The following HPSE2 variants were observed in gnomAD, a reference collection of about 807,000 sequenced individuals.
HPSE2 encodes inactive heparanase-2.
Under a neutral mutation model 60.5 loss-of-function variants are expected in HPSE2, and 38 were observed. The observed-to-expected ratio is 0.63, with a 90% CI of 0.48 to 0.82. The LOEUF (loss-of-function observed/expected upper bound fraction) is 0.82, where lower values mean the gene tolerates loss of function less well. Ranked by LOEUF, HPSE2 falls within the 40% of genes least tolerant of loss-of-function variation. The pLI is 0.00. For missense variants in HPSE2, 713 were observed against 740.4 expected, an observed-to-expected ratio of 0.96 and a Z score of 0.43; for synonymous variants, 295 against 293.2, an observed-to-expected ratio of 1.01 and a Z score of -0.06.
intron 2 of HPSE2, among the ~76,000 whole-genome samples, chr10:99,161,966 AG>A (rs1404956705): frequency 6.6e-6 from 1 of 152,224 alleles, no homozygotes; most frequent in African/African-American, 2.4e-5. Context: ...CATTTATATG[AG>A]GTACCTGGGG....
chr10:99,284,399 A>G, the HPSE2 span, among the ~76,000 whole-genome samples: 3 of 152,164 alleles, frequency 2.0e-5, no homozygotes, highest in Non-Finnish European at 4.4e-5. Flanking sequence ...AAGGCCATAT[A>G]CAAAAAAACT....
intron 6 of HPSE2, among the ~76,000 whole-genome samples, chr10:98,646,627 A>T (rs1385861042): frequency 2.0e-5 from 3 of 152,346 alleles, no homozygotes; most frequent in Middle Eastern, 3.4e-3. Flanking sequence ...CATATCAAGC[A>T]TATCTCTGGG....
rs11301458 is a variant in HPSE2 at position 99,053,719 on chromosome 10, C to CTTTTT, written c.610+90514_610+90518dup. On this transcript the variant is annotated intron_variant, in intron 3 of 11. Transcript: ENST00000370552. ...TGAATTAAGTACAGAGAGTTACAGT[C>CTTTTT]TTTTTTTTTTTTTTTTTTTTTTTTT... 6.6e-4 allele frequency among the ~76,000 whole-genome samples: 38 copies of CTTTTT among 57,808 alleles called. 8 individuals carry two copies. Among genetic ancestry groups the CTTTTT allele is most frequent in the Admixed American group, 2.8e-3 (10 of 3,558 alleles). 37.9% of individuals were successfully genotyped at this position (57,808 alleles called of 152,430 possible).
At chr10:98,841,545 A>G (rs1031440438) in intron 3 of HPSE2, among the ~76,000 whole-genome samples, 1 of 152,196 alleles carries the variant, frequency 6.6e-6, no homozygotes, top group South Asian at 2.1e-4. Context: ...TTCACTCAAT[A>G]GTATTGCTAA....
chr10:98,944,971 G>A (rs766456543), intron 3 of HPSE2, among the ~76,000 whole-genome samples: 17 of 151,990 alleles, frequency 1.1e-4, no homozygotes, highest in Non-Finnish European at 2.2e-4. Context: ...ATCTATTAAC[G>A]GAGCCTAAGA....
intron 5 of HPSE2, among the ~76,000 whole-genome samples, chr10:98,704,455 C>A (rs549229739): frequency 6.6e-6 from 1 of 151,206 alleles, no homozygotes; most frequent in South Asian, 2.1e-4. Context: ...ATAGCCAAGA[C>A]AATCCTAAGC....
At chr10:99,077,424 T>G (rs1842983313) in intron 3 of HPSE2, among the ~76,000 whole-genome samples, 1 of 152,188 alleles carries the variant, frequency 6.6e-6, no homozygotes, top group African/African-American at 2.4e-5. Flanking sequence ...TTCTTTTTGT[T>G]CATCTGACTG....
At chr10:99,311,505 T>C in the HPSE2 span, among the ~76,000 whole-genome samples, 1 of 152,218 alleles carries the variant, frequency 6.6e-6, no homozygotes, top group East Asian at 1.9e-4. Context: ...GGTATCACTA[T>C]TGTAGTTGTT....
chr10:99,260,041 T>A, the HPSE2 span, among the ~76,000 whole-genome samples: 3 of 152,168 alleles, frequency 2.0e-5, no homozygotes, highest in Admixed American at 1.3e-4. Context: ...GCTCTAGGAA[T>A]TGCTTATTCA....
At chr10:98,474,191 T>A (rs1387608553) in intron 11 of HPSE2, among the ~76,000 whole-genome samples, 1 of 152,150 alleles carries the variant, frequency 6.6e-6, no homozygotes, top group Non-Finnish European at 1.5e-5. Context: ...CAGAAACAAG[T>A]CTTCATATTT....
chr10:99,168,638 G>T (rs1048697636), intron 2 of HPSE2, among the ~76,000 whole-genome samples: 1 of 152,102 alleles, frequency 6.6e-6, no homozygotes, highest in Non-Finnish European at 1.5e-5. Flanking sequence ...CTCACAAAGG[G>T]GAAGGAATAT....
At chr10:98,734,394 G>A (rs553356548) in intron 4 of HPSE2, among the ~76,000 whole-genome samples, 1 of 152,230 alleles carries the variant, frequency 6.6e-6, no homozygotes, top group South Asian at 2.1e-4. Context: ...GGGTTACTTG[G>A]TAATTTTATG....
chr10:98,882,031 T>C (rs1953038021), intron 3 of HPSE2, among the ~76,000 whole-genome samples: 1 of 152,056 alleles, frequency 6.6e-6, no homozygotes, highest in South Asian at 2.1e-4. Flanking sequence ...TGACCAATGG[T>C]AAGCTAGCAG....
At chr10:98,544,819 G>T (rs1268578647) in intron 9 of HPSE2, among the ~76,000 whole-genome samples, 1 of 151,476 alleles carries the variant, frequency 6.6e-6, no homozygotes, top group Non-Finnish European at 1.5e-5. Context: ...CAGAACTGAA[G>T]GAAATAGAGA....
chr10:98,985,428 G>A (rs939107727), intron 3 of HPSE2, among the ~76,000 whole-genome samples: 1 of 152,160 alleles, frequency 6.6e-6, no homozygotes, highest in Non-Finnish European at 1.5e-5. Context: ...ATACTTTACA[G>A]ACAAGCAAAT....
chr10:99,082,840 C>T (rs1476731627), intron 3 of HPSE2, among the ~76,000 whole-genome samples: 1 of 152,144 alleles, frequency 6.6e-6, no homozygotes, highest in Non-Finnish European at 1.5e-5. Flanking sequence ...AGGCTTAGAG[C>T]CTTAACATGC....
chr10:98,644,938 A>G (rs1946728979), intron 6 of HPSE2, among the ~76,000 whole-genome samples: 1 of 152,206 alleles, frequency 6.6e-6, no homozygotes, highest in Non-Finnish European at 1.5e-5. Flanking sequence ...GAGGAGATAC[A>G]GGCATGGAAA....
the HPSE2 span, among the ~76,000 whole-genome samples, chr10:99,300,217 T>G: frequency 6.6e-6 from 1 of 151,928 alleles, no homozygotes; most frequent in South Asian, 2.1e-4. Context: ...AGAACGCCAC[T>G]GAAAGAAAGA....
Position 99,085,082 on chromosome 10 carries a change from G to A in HPSE2, c.610+59156C>T, listed in dbSNP as rs536621335. 5.3e-5 allele frequency among the ~76,000 whole-genome samples: 8 copies of A among 152,294 alleles called. No individual in the cohort carries two copies. The East Asian group carries it at 1.5e-3, about 29-fold the overall frequency. Reference sequence around the variant, plus strand: ...GTAGGTGCAAAGTCAAGGGAGGGAGGAGTGCAAGCCAGGTGCAGGAATCTG... The same window carrying A: ...GTAGGTGCAAAGTCAAGGGAGGGAGAAGTGCAAGCCAGGTGCAGGAATCTG... On this transcript the variant is annotated intron_variant, in intron 3 of 11. Coordinates refer to ENST00000370552, the MANE Select transcript of HPSE2 (RefSeq NM_021828.5).
Sources: allele counts gnomAD v4.1 joint callset (sites outside exome capture counted in the v4.1 genomes callset), GRCh38; gene constraint gnomAD v4.1.1; transcripts MANE v1.5; gene names NCBI Gene and HGNC (gene_info 2026-07-23, HGNC 2026-07-21).